TP73: variants seen among roughly 807,000 people sequenced by gnomAD.
The protein encoded by TP73 is p53-like transcription factor.
In TP73, 25 loss-of-function variants were observed where a neutral mutation model predicts 62.5. That is an observed-to-expected ratio of 0.40 (90% CI 0.29 to 0.56). TP73 has a LOEUF of 0.56. Ranked by LOEUF, TP73 falls within the 20% of genes least tolerant of loss-of-function variation. TP73 has a pLI of 0.46. For synonymous variants in TP73, 423 were observed against 377.5 expected (o/e 1.12, Z -1.40); for missense variants, 754 against 913.3 (o/e 0.83, Z 2.25).
intron 3 of TP73, among the ~76,000 whole-genome samples, chr1:3,702,019 G>A (rs986425841): frequency 2.6e-5 from 4 of 152,078 alleles, no homozygotes; most frequent in African/African-American, 9.7e-5. Context: ...GGTGGCGTAG[G>A]GGCATCAGTA....
intron 5 of TP73, among the ~76,000 whole-genome samples, chr1:3,722,733 CTCT>C (rs145044703): frequency 0.044 from 5,366 of 121,010 alleles, 230 homozygotes; most frequent in East Asian, 0.26. Flanking sequence ...CTGGGCACCT[CTCT>C]TCACCTGGCA....
intron 4 of TP73, among the ~76,000 whole-genome samples, chr1:3,708,887 C>T (rs1639896393): frequency 6.6e-6 from 1 of 152,208 alleles, no homozygotes; most frequent in African/African-American, 2.4e-5. Flanking sequence ...GGCCCCGCCT[C>T]CCCGGGCACA....
chr1:3,703,191 C>T lies in TP73; in HGVS notation c.187-4358C>T, dbSNP rs1025076226. Among the ~76,000 whole-genome samples the T allele has an allele frequency of 1.8e-4, 28 of 152,320 alleles. 1 individual carries two copies. The highest frequency in any genetic ancestry group is 1.4e-3 in the East Asian group (7 of 5,182). ...CCACCCACTGGGGGTGTGACAGGGG[C>T]GGTGACCACAGGCAGGGCCAGCGTG... is the stretch of plus-strand genomic sequence containing the variant. On this transcript the variant is annotated intron_variant, in intron 3 of 13. Coordinates refer to ENST00000378295, the MANE Select transcript of TP73 (RefSeq NM_005427.4).
chr1:3,715,292 T>A (rs1640499778), intron 4 of TP73, among the ~76,000 whole-genome samples: 1 of 152,036 alleles, frequency 6.6e-6, no homozygotes, highest in South Asian at 2.1e-4. Context: ...GAACCCGGGG[T>A]GACGCCTCTG....
Position 3,661,227 on chromosome 1 carries a change from G to A in TP73, c.-34+8586G>A, listed in dbSNP as rs57883507. On this transcript the variant is annotated intron_variant, in intron 1 of 13. Coordinates refer to ENST00000378295, the MANE Select transcript of TP73 (RefSeq NM_005427.4). ...GGGGCCAATCTAGGAAATCCCAAAC[G>A]TTAATTCAGGGTCAAAAAGACTTAA... Among the ~76,000 whole-genome samples, 950 of 152,248 alleles carry A rather than the reference G, an allele frequency of 6.2e-3. 12 individuals are homozygous for A. The highest frequency in any genetic ancestry group is 0.021 in the African/African-American group (868 of 41,532).
intron 9 of TP73, among the ~76,000 whole-genome samples, chr1:3,728,826 C>T (rs1228705782): frequency 2.0e-5 from 3 of 152,102 alleles, no homozygotes; most frequent in African/African-American, 4.8e-5. Flanking sequence ...ATTAGCTGGG[C>T]GTGGTGGTGG....
intron 3 of TP73, among the ~76,000 whole-genome samples, chr1:3,687,417 C>T (rs916484740): frequency 2.0e-5 from 3 of 152,210 alleles, no homozygotes; most frequent in Non-Finnish European, 4.4e-5. Flanking sequence ...GGCTCGCAGG[C>T]TGCGAGGAGG....
chr1:3,711,175 G>A (rs1640109782), intron 4 of TP73, among the ~76,000 whole-genome samples: 1 of 152,222 alleles, frequency 6.6e-6, no homozygotes, highest in Non-Finnish European at 1.5e-5. Flanking sequence ...AAAGGAGCTG[G>A]CTCTTGGGAC....
chr1:3,730,722 C>T (rs976691457), intron 11 of TP73, among the ~76,000 whole-genome samples: 1 of 152,202 alleles, frequency 6.6e-6, no homozygotes, highest in African/African-American at 2.4e-5. Flanking sequence ...CGGTCACCCC[C>T]GTCCCTACTA....
intron 4 of TP73, chr1:3,708,497 C>G (rs1639862117): frequency 6.6e-6 from 1 of 152,610 alleles, no homozygotes; most frequent in South Asian, 2.1e-4. Context: ...ACAGGGCTGA[C>G]TCCATCACTG....
At position 3,678,985 on chromosome 1, in the gene TP73, G is replaced by A. The variant is rs944778234; in HGVS notation, c.-33-3348G>A. 2.6e-5 allele frequency among the ~76,000 whole-genome samples: 4 copies of A among 152,226 alleles called. 1 individual carries two copies. Among genetic ancestry groups the A allele is most frequent in the South Asian group, 4.1e-4 (2 of 4,830 alleles). ...CATGCTCCTGGTGGTGGCCTGTCCT[G>A]TGAGCCTGGAGGGCCGGACGGGTGG... On this transcript the variant is annotated intron_variant, in intron 1 of 13. Coordinates refer to ENST00000378295, the MANE Select transcript of TP73 (RefSeq NM_005427.4).
rs1271778187 is a variant in TP73 at position 3,662,638 on chromosome 1, A to G, written c.-34+9997A>G. 6.6e-6 allele frequency among the ~76,000 whole-genome samples: 1 copy of G among 152,232 alleles called. No homozygotes were observed. The highest frequency in any genetic ancestry group is 1.9e-4 in the East Asian group (1 of 5,188). On this transcript the variant is annotated intron_variant, in intron 1 of 13. Transcript: ENST00000378295. This position sits in a 1 kb window ranked among gnomAD's most constrained non-coding sequence, Gnocchi z 4.4. ...ACTCCTGTGTCTGCAGTTACTCGAA[A>G]TAATGGATATACCCAAGGCATGTTT...
intron 3 of TP73, among the ~76,000 whole-genome samples, chr1:3,683,646 C>T (rs961320804): frequency 6.6e-6 from 1 of 152,234 alleles, no homozygotes; most frequent in Non-Finnish European, 1.5e-5. Flanking sequence ...CATCTCCTCT[C>T]ATGGTGAAGA....
rs976362164 is a variant in TP73 at position 3,663,927 on chromosome 1, T to G, written c.-34+11286T>G. Among the ~76,000 whole-genome samples, 48 of 152,264 alleles carry G rather than the reference T, an allele frequency of 3.2e-4. No homozygotes were observed. The highest frequency in any genetic ancestry group is 1.0e-3 in the African/African-American group (43 of 41,562). On this transcript the variant is annotated intron_variant, in intron 1 of 13. Transcript: ENST00000378295. This position sits in a 1 kb window ranked among gnomAD's most constrained non-coding sequence, Gnocchi z 4.7. Reference sequence around the variant, plus strand: ...TCTCAGATGCCACCGTGCCAGGTTTTGGGGTAGTGGTATGTCTTGAGCCCA... The same window carrying G: ...TCTCAGATGCCACCGTGCCAGGTTTGGGGGTAGTGGTATGTCTTGAGCCCA...
At chr1:3,700,174 CCAGGCTG>C (rs1404258898) in intron 3 of TP73, among the ~76,000 whole-genome samples, 7 of 151,776 alleles carry the variant, frequency 4.6e-5, no homozygotes, top group Admixed American at 2.6e-4. Context: ...AATGCAGGGA[CCAGGCTG>C]CATGTGCCTT....
At chr1:3,691,006 T>C (rs1238866103) in intron 3 of TP73, 2 of 1,551,084 alleles carry the variant, frequency 1.3e-6, no homozygotes, top group East Asian at 2.4e-5. Context: ...TTTGCTGCAG[T>C]GTAGGGTTCA....
chr1:3,675,623 C>CG (rs1645346853), intron 1 of TP73, among the ~76,000 whole-genome samples: 1 of 151,778 alleles, frequency 6.6e-6, no homozygotes, highest in Admixed American at 6.5e-5. Flanking sequence ...TGAGTGCGGA[C>CG]GGCTCGGTCT....
At chr1:3,731,350 C>T (rs1458907890) in intron 12 of TP73, 113 bp from the exon 13 acceptor site, 3 of 1,155,832 alleles carry the variant, frequency 2.6e-6, no homozygotes, top group Non-Finnish European at 3.7e-6. Context: ...TGGAGCCACC[C>T]TTCGGAGACA....
intron 3 of TP73, among the ~76,000 whole-genome samples, chr1:3,704,099 C>T (rs964265965): frequency 1.2e-4 from 19 of 152,190 alleles, no homozygotes; most frequent in Non-Finnish European, 1.5e-5. Flanking sequence ...TCTGCCAGCT[C>T]GCTTGTTCAG....
Sources: gnomAD v4.1 joint callset for allele counts (sites outside exome capture counted in the v4.1 genomes callset) on GRCh38, gnomAD v4.1.1 for gene constraint, Gnocchi (gnomAD v3.1) non-coding constraint, MANE v1.5 for transcripts, NCBI Gene and HGNC (gene_info 2026-07-23, HGNC 2026-07-21) for gene names.